Variants in VEPH1 observed in about 807,000 individuals in gnomAD.
VEPH1 encodes ventricular zone expressed PH domain containing 1.
In VEPH1, 80 loss-of-function variants were observed where a neutral mutation model predicts 85.2. That is an observed-to-expected ratio of 0.94 (90% CI 0.78 to 1.13). The LOEUF (loss-of-function observed/expected upper bound fraction) is 1.13, where lower values mean the gene tolerates loss of function less well. Ranked by LOEUF, VEPH1 falls within the 50% of genes most tolerant of loss-of-function variation. VEPH1 has a pLI of 0.00. For synonymous variants in VEPH1, 297 were observed against 348.0 expected (o/e 0.85, Z 1.63); for missense variants, 955 against 980.5 (o/e 0.97, Z 0.35).
intron 6 of VEPH1, among the ~76,000 whole-genome samples, chr3:157,399,608 G>A (rs994277390): frequency 2.6e-5 from 4 of 151,944 alleles, no homozygotes; most frequent in Non-Finnish European, 5.9e-5. Flanking sequence ...TAAATTCCAA[G>A]ATATTTTTAC....
rs185038782 is a variant in VEPH1, at chr3:157,372,227, C to T, written c.1128-7715G>A. On this transcript the variant is annotated intron_variant, in intron 7 of 13. Transcript: ENST00000362010. ...CCTATTTGATACATCTTCTCATAGTCTTCATCTCAAATATGATACTGTAAC... is the reference window on the plus strand; with the variant it reads ...CCTATTTGATACATCTTCTCATAGTTTTCATCTCAAATATGATACTGTAAC... 1.2e-3 allele frequency among the ~76,000 whole-genome samples: 185 copies of T among 152,176 alleles called. 1 individual carries two copies. Among genetic ancestry groups the T allele is most frequent in the African/African-American group, 3.9e-3 (160 of 41,530 alleles).
intron 2 of VEPH1, among the ~76,000 whole-genome samples, chr3:157,490,372 A>C (rs1202574551): frequency 6.6e-6 from 1 of 152,082 alleles, no homozygotes; most frequent in East Asian, 1.9e-4. Context: ...AAGAATATAC[A>C]AAATAGTCCA....
chr3:157,280,044 A>G (rs1026225481), intron 12 of VEPH1, among the ~76,000 whole-genome samples: 1 of 151,092 alleles, frequency 6.6e-6, no homozygotes, highest in South Asian at 2.1e-4. Context: ...GGACCAGTAT[A>G]GTACCAGTAT....
intron 6 of VEPH1, among the ~76,000 whole-genome samples, chr3:157,410,955 C>A (rs191490500): frequency 1.3e-5 from 2 of 152,290 alleles, no homozygotes; most frequent in Non-Finnish European, 2.9e-5. Flanking sequence ...GGCATGGGAC[C>A]ACCCAAATCC....
chr3:157,275,175 A>G (rs1188117833), intron 12 of VEPH1, among the ~76,000 whole-genome samples: 1 of 152,172 alleles, frequency 6.6e-6, no homozygotes, highest in African/African-American at 2.4e-5. Context: ...AATAACTCAT[A>G]TTTGAGACTG....
chr3:157,442,513 A>G, intron 4 of VEPH1: 4 of 1,614,170 alleles, frequency 2.5e-6, no homozygotes, highest in South Asian at 1.1e-5. Flanking sequence ...CTGTTTTCCT[A>G]TGGCACAAAG....
At position 157,339,587 on chromosome 3, in the gene VEPH1, C is replaced by CT. The variant is rs926977724; in HGVS notation, c.1736-22387dup. Reference sequence around the variant, plus strand: ...GGGGACACCTCAACCTCACACTTCCCTTTGTACTCTCCCGTGTCTCTAAAT... The same window carrying CT: ...GGGGACACCTCAACCTCACACTTCCCTTTTGTACTCTCCCGTGTCTCTAAAT... On this transcript the variant is annotated intron_variant, in intron 9 of 13. Coordinates refer to ENST00000362010, the MANE Select transcript of VEPH1 (RefSeq NM_001167912.2). Among the ~76,000 whole-genome samples the CT allele has an allele frequency of 2.4e-4, 36 of 152,312 alleles. 1 individual carries two copies. Among genetic ancestry groups the CT allele is most frequent in the Admixed American group, 2.0e-3 (30 of 15,310 alleles).
chr3:157,281,554 T>G (rs1716128144), intron 12 of VEPH1, among the ~76,000 whole-genome samples: 1 of 151,852 alleles, frequency 6.6e-6, no homozygotes, highest in South Asian at 2.1e-4. Context: ...TTTTTTTTTC[T>G]TTTGAGATGG....
chr3:157,357,940 G>T (rs938472343), intron 9 of VEPH1, among the ~76,000 whole-genome samples: 2 of 152,312 alleles, frequency 1.3e-5, no homozygotes, highest in East Asian at 1.9e-4. Context: ...AACATGTTAA[G>T]TCATGGATGC....
At chr3:157,459,949 A>C (rs900690174) in intron 4 of VEPH1, 111 of 1,537,110 alleles carry the variant, frequency 7.2e-5, no homozygotes, top group Admixed American at 5.7e-4. Context: ...GATTTGGAAG[A>C]ATGCTTACAA....
intron 6 of VEPH1, among the ~76,000 whole-genome samples, chr3:157,383,326 T>C (rs753073575): frequency 1.4e-4 from 21 of 152,234 alleles, no homozygotes; most frequent in Non-Finnish European, 2.6e-4. Context: ...TGGTTACATG[T>C]GCCAGTCAAG....
chr3:157,370,895 A>G (rs1164693598), intron 7 of VEPH1, among the ~76,000 whole-genome samples: 3 of 152,232 alleles, frequency 2.0e-5, no homozygotes, highest in African/African-American at 7.2e-5. Flanking sequence ...TGATGCTATA[A>G]AACTCTTAAG....
At chr3:157,423,160 C>T (rs1268125708) in intron 5 of VEPH1, among the ~76,000 whole-genome samples, 1 of 152,226 alleles carries the variant, frequency 6.6e-6, no homozygotes. Context: ...CCCAGCACTA[C>T]ACCAGGGAGT....
intron 12 of VEPH1, among the ~76,000 whole-genome samples, chr3:157,277,684 AC>A (rs1398671126): frequency 6.6e-6 from 1 of 152,226 alleles, no homozygotes; most frequent in African/African-American, 2.4e-5. Context: ...TATATGAAAC[AC>A]ACACATGTAT....
chr3:157,492,874 C>A (rs1739341489), intron 2 of VEPH1, among the ~76,000 whole-genome samples: 1 of 152,196 alleles, frequency 6.6e-6, no homozygotes, highest in Non-Finnish European at 1.5e-5. Flanking sequence ...AGTACCAGGC[C>A]TTAAAAGGAG....
chr3:157,375,417 G>C (rs889044613), intron 7 of VEPH1, among the ~76,000 whole-genome samples: 7 of 152,224 alleles, frequency 4.6e-5, no homozygotes, highest in South Asian at 2.1e-4. Context: ...AGGATGTCAA[G>C]ATGGGAACTC....
chr3:157,442,434 C>T (rs773734629), intron 4 of VEPH1: 2 of 1,614,156 alleles, frequency 1.2e-6, no homozygotes, highest in South Asian at 1.1e-5. Context: ...TCCAGTGAGA[C>T]CAATGAGGCT....
At chr3:157,331,951 C>T (rs1722548449) in intron 9 of VEPH1, among the ~76,000 whole-genome samples, 1 of 152,148 alleles carries the variant, frequency 6.6e-6, no homozygotes, top group South Asian at 2.1e-4. Context: ...CTCAGGTCTG[C>T]CAGTTATGTG....
At chr3:157,301,376 G>GT (rs917691663) in intron 11 of VEPH1, among the ~76,000 whole-genome samples, 107 of 152,114 alleles carry the variant, frequency 7.0e-4, no homozygotes, top group African/African-American at 2.3e-3. Context: ...GTTTTGTTTT[G>GT]TTTTTTCCTG....
Sources: allele counts gnomAD v4.1 joint callset (sites outside exome capture counted in the v4.1 genomes callset), GRCh38; gene constraint gnomAD v4.1.1; transcripts MANE v1.5; gene names NCBI Gene and HGNC (gene_info 2026-07-23, HGNC 2026-07-21).